TBC1D22A: variants seen among roughly 807,000 people sequenced by gnomAD.
The protein encoded by TBC1D22A is TBC1 domain family member 22A.
Under a neutral mutation model 60.2 loss-of-function variants are expected in TBC1D22A, and 38 were observed. The ratio of observed to expected loss-of-function variants is 0.63; its 90% CI spans 0.49 to 0.83. The LOEUF (loss-of-function observed/expected upper bound fraction) is 0.83. Ranked by LOEUF, TBC1D22A falls within the 40% of genes least tolerant of loss-of-function variation. The pLI is 0.00. For missense variants in TBC1D22A, 628 were observed against 701.0 expected (o/e 0.90, Z 1.18); for synonymous variants, 302 against 281.7 (o/e 1.07, Z -0.72).
At chr22:46,988,097 A>C (rs2074797032) in intron 9 of TBC1D22A, among the ~76,000 whole-genome samples, 1 of 151,776 alleles carries the variant, frequency 6.6e-6, no homozygotes, top group Admixed American at 6.6e-5. Flanking sequence ...AAAAGAAACC[A>C]CTTTTTTTTC....
intron 11 of TBC1D22A, among the ~76,000 whole-genome samples, chr22:47,083,465 C>T (rs934040813): frequency 6.6e-6 from 1 of 152,044 alleles, no homozygotes; most frequent in African/African-American, 2.4e-5. Flanking sequence ...TGGGCGAGAC[C>T]ATCTCAAGTA....
chr22:47,122,594 C>T lies in TBC1D22A; in HGVS notation c.1425+10991C>T, dbSNP rs149564411. On this transcript the variant is annotated intron_variant, in intron 12 of 12. Coordinates refer to ENST00000337137, the MANE Select transcript of TBC1D22A (RefSeq NM_014346.5). ...AGTCACCCACTGCCCCTTAGGAGGC[C>T]GCCCTAAATGCTACTAGCCTCAGAC... Among the ~76,000 whole-genome samples, 159 of 152,256 alleles carry T rather than the reference C, an allele frequency of 1.0e-3. 1 individual carries two copies. The highest frequency in any genetic ancestry group is 3.3e-3 in the African/African-American group (138 of 41,550).
Position 46,790,773 on chromosome 22 carries a change from C to T in TBC1D22A, c.63-1747C>T, listed in dbSNP as rs571108060. ...GACACTGCTGGTGGGATATGAACCA[C>T]GGCTCTTCAGCAGTGTGGACCAGTG... On this transcript the variant is annotated intron_variant, in intron 1 of 12. Coordinates refer to ENST00000337137, the MANE Select transcript of TBC1D22A (RefSeq NM_014346.5). 4.8e-4 allele frequency among the ~76,000 whole-genome samples: 73 copies of T among 152,304 alleles called. 1 individual carries two copies. The highest frequency in any genetic ancestry group is 1.0e-3 in the South Asian group (5 of 4,824).
intron 5 of TBC1D22A, among the ~76,000 whole-genome samples, chr22:46,888,188 CA>C (rs2068215404): frequency 6.6e-6 from 1 of 152,206 alleles, no homozygotes; most frequent in South Asian, 2.1e-4. Flanking sequence ...TCTCCACCTC[CA>C]AACTGTCAGT....
intron 12 of TBC1D22A, among the ~76,000 whole-genome samples, chr22:47,149,890 T>C (rs985942799): frequency 5.3e-5 from 8 of 152,148 alleles, no homozygotes; most frequent in African/African-American, 7.2e-5. Context: ...AGCCCTCATC[T>C]CTGGTCTCTC....
intron 12 of TBC1D22A, among the ~76,000 whole-genome samples, chr22:47,133,780 A>G (rs2066764777): frequency 6.6e-6 from 1 of 152,218 alleles, no homozygotes; most frequent in African/African-American, 2.4e-5. Flanking sequence ...CAGCTTTGCC[A>G]TACGTCATGC....
intron 9 of TBC1D22A, among the ~76,000 whole-genome samples, chr22:46,979,919 A>T (rs2074447225): frequency 6.6e-6 from 1 of 152,074 alleles, no homozygotes; most frequent in Non-Finnish European, 1.5e-5. Flanking sequence ...CCCAGGAGGG[A>T]TGATCTCCTG....
intron 11 of TBC1D22A, among the ~76,000 whole-genome samples, chr22:47,103,679 G>A (rs1390583346): frequency 6.6e-6 from 1 of 152,198 alleles, no homozygotes; most frequent in Non-Finnish European, 1.5e-5. Flanking sequence ...AAACTCAGTT[G>A]AAATATTTGG....
At chr22:46,774,771 G>C (rs1002232434) in intron 1 of TBC1D22A, among the ~76,000 whole-genome samples, 2 of 152,150 alleles carry the variant, frequency 1.3e-5, no homozygotes, top group East Asian at 1.9e-4. Flanking sequence ...GACTGCATCC[G>C]CTCTGTTCCC....
At chr22:46,901,473 C>T (rs1433280479) in intron 7 of TBC1D22A, among the ~76,000 whole-genome samples, 3 of 152,184 alleles carry the variant, frequency 2.0e-5, no homozygotes, top group Non-Finnish European at 4.4e-5. Context: ...GGGCACAAAA[C>T]GTGGGCTGTA....
intron 4 of TBC1D22A, among the ~76,000 whole-genome samples, chr22:46,819,438 A>G (rs1404430842): frequency 6.6e-6 from 1 of 152,216 alleles, no homozygotes; most frequent in Admixed American, 6.5e-5. Flanking sequence ...AGTTTTTAAC[A>G]TGAAGGGATG....
At chr22:47,107,462 G>A (rs2065679119) in intron 11 of TBC1D22A, among the ~76,000 whole-genome samples, 1 of 152,224 alleles carries the variant, frequency 6.6e-6, no homozygotes. Context: ...CAGAAATCGA[G>A]GTTTTTAGGA....
In TBC1D22A at chr22:47,160,866, C is replaced by T. The variant is rs553545998; in HGVS notation, c.1426-12632C>T. Among the ~76,000 whole-genome samples the T allele has an allele frequency of 5.3e-5, 8 of 152,270 alleles. No individual in the cohort carries two copies. The South Asian group carries it at 1.5e-3, about 28-fold the overall frequency. ...CCCTCCCCCCAGCTACCCTCCTCTT[C>T]AGGACCCGCAGGCGCTGTGGAGCCC... On this transcript the variant is annotated intron_variant, in intron 12 of 12. Coordinates refer to ENST00000337137, the MANE Select transcript of TBC1D22A (RefSeq NM_014346.5).
intron 11 of TBC1D22A, among the ~76,000 whole-genome samples, chr22:47,071,870 C>G (rs1603233906): frequency 6.6e-6 from 1 of 152,094 alleles, no homozygotes; most frequent in South Asian, 2.1e-4. Context: ...TGTGCCTCTC[C>G]CTGGGTTGTG....
rs975899371 is a variant in TBC1D22A at position 46,790,286 on chromosome 22, C to T, written c.63-2234C>T. ...GCCATGTTGCATTTGTGTGACCTTC[C>T]GCGGTCTCTTCTGCTCTGACCACAG... On this transcript the variant is annotated intron_variant, in intron 1 of 12. Coordinates refer to ENST00000337137, the MANE Select transcript of TBC1D22A (RefSeq NM_014346.5). Among the ~76,000 whole-genome samples, 5 of 152,242 alleles carry T rather than the reference C, an allele frequency of 3.3e-5. No homozygotes were observed. The South Asian group carries it at 8.3e-4, about 25-fold the overall frequency.
At chr22:46,829,444 C>G (rs2086212985) in intron 4 of TBC1D22A, among the ~76,000 whole-genome samples, 1 of 152,202 alleles carries the variant, frequency 6.6e-6, no homozygotes, top group East Asian at 1.9e-4. Context: ...CCTGTGCTCC[C>G]TGATGCTCCT....
chr22:46,899,186 C>T (rs537880458), intron 7 of TBC1D22A, among the ~76,000 whole-genome samples: 1 of 152,124 alleles, frequency 6.6e-6, no homozygotes, highest in Non-Finnish European at 1.5e-5. Context: ...GTGGCTCACA[C>T]CTGTAATCCC....
rs901189832 is a variant in TBC1D22A at position 47,173,877 on chromosome 22, CA to C, written c.*252del. 22 of 466,086 alleles carry C rather than the reference CA, an allele frequency of 4.7e-5. No homozygotes were observed. Among genetic ancestry groups the C allele is most frequent in the African/African-American group, 4.4e-4 (22 of 50,350 alleles). The allele number at this position is 466,086 out of a possible 1,614,324, so 28.9% of individuals were successfully genotyped here. ...CCGGGTTCGGCGGCCAGAGGCAGGTCAGGGGTCCCCTCTCCCTCTCCCTGCA... is the reference window on the plus strand; with the variant it reads ...CCGGGTTCGGCGGCCAGAGGCAGGTCGGGGTCCCCTCTCCCTCTCCCTGCA... On this transcript the variant is annotated 3_prime_UTR_variant, in exon 13 of 13. Transcript: ENST00000337137.
intron 4 of TBC1D22A, among the ~76,000 whole-genome samples, chr22:46,857,963 G>C (rs150528225): frequency 6.6e-6 from 1 of 152,096 alleles, no homozygotes; most frequent in Non-Finnish European, 1.5e-5. Context: ...TTTTGCAGTC[G>C]TGTTTTCCTT....
Sources: allele counts gnomAD v4.1 joint callset (sites outside exome capture counted in the v4.1 genomes callset), GRCh38; gene constraint gnomAD v4.1.1; transcripts MANE v1.5; gene names NCBI Gene and HGNC (gene_info 2026-07-23, HGNC 2026-07-21).